GALNT13: variants seen among roughly 807,000 people sequenced by gnomAD.
GALNT13 encodes the protein polypeptide N-acetylgalactosaminyltransferase 13.
A neutral mutation model predicts 64.2 loss-of-function variants in GALNT13; 28 were observed. The ratio of observed to expected loss-of-function variants is 0.44; its 90% confidence interval spans 0.32 to 0.60. GALNT13 has a LOEUF of 0.60. GALNT13 is among the 20% of genes least tolerant of loss of function. The probability of loss-of-function intolerance (pLI) is 0.05; values close to 1 mark genes in which losing one functional copy is unlikely to be tolerated. For missense variants in GALNT13, 577 were observed against 669.8 expected, an observed-to-expected ratio of 0.86 and a Z score of 1.53; for synonymous variants, 214 against 224.6, an observed-to-expected ratio of 0.95 and a Z score of 0.42.
At chr2:154,088,173 T>C (rs970718481) in intron 3 of GALNT13, among the ~76,000 whole-genome samples, 2 of 152,132 alleles carry the variant, frequency 1.3e-5, no homozygotes, top group African/African-American at 2.4e-5. Flanking sequence ...TAGCCTTGCA[T>C]CTCTAATTGA....
At chr2:154,325,822 A>G (rs1694848509) in intron 9 of GALNT13, among the ~76,000 whole-genome samples, 1 of 152,144 alleles carries the variant, frequency 6.6e-6, no homozygotes, top group Non-Finnish European at 1.5e-5. Flanking sequence ...AATATGGTAT[A>G]TAACTAGCTT....
intron 8 of GALNT13, among the ~76,000 whole-genome samples, chr2:154,287,999 G>A (rs569346787): frequency 6.6e-6 from 1 of 152,140 alleles, no homozygotes; most frequent in African/African-American, 2.4e-5. Flanking sequence ...ATTGGTCCCT[G>A]TATTAGTCCG....
intron 9 of GALNT13, among the ~76,000 whole-genome samples, chr2:154,326,520 A>G (rs1694884178): frequency 6.6e-6 from 1 of 152,048 alleles, no homozygotes; most frequent in Non-Finnish European, 1.5e-5. Flanking sequence ...AATTCTACAT[A>G]TATATATTAA....
the GALNT13 span, among the ~76,000 whole-genome samples, chr2:153,432,730 G>T: frequency 2.6e-5 from 4 of 151,784 alleles, no homozygotes; most frequent in Non-Finnish European, 5.9e-5. Context: ...TGGGGAGGTG[G>T]TTGGGGGGCA....
the GALNT13 span, among the ~76,000 whole-genome samples, chr2:153,280,324 G>T: frequency 6.6e-6 from 1 of 151,872 alleles, no homozygotes; most frequent in Admixed American, 6.6e-5. Context: ...CAACTTTTTG[G>T]TCATTTATTC....
At chr2:153,943,874 G>A (rs1300485150) in intron 2 of GALNT13, among the ~76,000 whole-genome samples, 1 of 152,176 alleles carries the variant, frequency 6.6e-6, no homozygotes, top group Non-Finnish European at 1.5e-5. Context: ...AACAAATGAG[G>A]TTTAGCTTTG....
chr2:153,283,184 C>A, the GALNT13 span, among the ~76,000 whole-genome samples: 1 of 152,198 alleles, frequency 6.6e-6, no homozygotes, highest in African/African-American at 2.4e-5. Context: ...GGCCCATCTA[C>A]AGTTTCCCTG....
intron 3 of GALNT13, among the ~76,000 whole-genome samples, chr2:153,999,851 C>T (rs997377034): frequency 1.3e-5 from 2 of 151,728 alleles, no homozygotes; most frequent in Non-Finnish European, 2.9e-5. Context: ...GAAAATATTC[C>T]CTCCTTTTAA....
At chr2:154,129,207 C>T (rs1201159844) in intron 3 of GALNT13, among the ~76,000 whole-genome samples, 1 of 152,110 alleles carries the variant, frequency 6.6e-6, no homozygotes, top group African/African-American at 2.4e-5. Context: ...ATCCCAATTA[C>T]CACACACACC....
At chr2:154,205,075 A>G (rs1325912283) in intron 4 of GALNT13, among the ~76,000 whole-genome samples, 1 of 152,176 alleles carries the variant, frequency 6.6e-6, no homozygotes, top group East Asian at 1.9e-4. Flanking sequence ...CTACTAATTC[A>G]TAATCATCGG....
At chr2:153,432,713 T>TG in the GALNT13 span, among the ~76,000 whole-genome samples, 19 of 151,666 alleles carry the variant, frequency 1.3e-4, no homozygotes, top group African/African-American at 4.1e-4. Context: ...AGTTTTTGGC[T>TG]GGGGGGTGGG....
chr2:154,212,284 G>A (rs184334197), intron 4 of GALNT13, among the ~76,000 whole-genome samples: 118 of 151,682 alleles, frequency 7.8e-4, no homozygotes, highest in Non-Finnish European at 1.5e-3. Context: ...TTGCTCTATC[G>A]CCCAGGCTGG....
At chr2:153,867,793 A>G (rs1246747782), upstream of GALNT13, among the ~76,000 whole-genome samples, 2 of 151,920 alleles carry the variant, frequency 1.3e-5, no homozygotes, top group African/African-American at 2.4e-5. Context: ...GTTCCCTCAC[A>G]TGTGCAGTTC....
the GALNT13 span, among the ~76,000 whole-genome samples, chr2:153,632,381 T>C: frequency 2.6e-5 from 4 of 152,162 alleles, no homozygotes; most frequent in African/African-American, 7.2e-5. Flanking sequence ...TTAACTAAAG[T>C]CTATAGTTTA....
the GALNT13 span, among the ~76,000 whole-genome samples, chr2:153,742,605 G>A: frequency 6.6e-6 from 1 of 151,936 alleles, no homozygotes; most frequent in East Asian, 1.9e-4. Context: ...CAGTTCCCCA[G>A]TGTCCATTAT....
intron 2 of GALNT13, among the ~76,000 whole-genome samples, chr2:153,907,016 A>C (rs977758527): frequency 2.0e-5 from 3 of 151,830 alleles, no homozygotes; most frequent in Admixed American, 2.0e-4. Flanking sequence ...GCGTTTTTTC[A>C]TGTGTTTTTT....
At chr2:153,340,439 A>AAGGTC in the GALNT13 span, among the ~76,000 whole-genome samples, 1 of 151,876 alleles carries the variant, frequency 6.6e-6, no homozygotes, top group African/African-American at 2.4e-5. Context: ...GGTGGATCAC[A>AAGGTC]AGGTCAGGAG....
chr2:154,005,528 G>T (rs1052162824), intron 3 of GALNT13, among the ~76,000 whole-genome samples: 2 of 152,078 alleles, frequency 1.3e-5, no homozygotes, highest in African/African-American at 4.8e-5. Flanking sequence ...ACCATAATGT[G>T]GAAATGAGAA....
the GALNT13 span, among the ~76,000 whole-genome samples, chr2:153,687,422 AT>A: frequency 6.6e-6 from 1 of 151,938 alleles, no homozygotes; most frequent in Non-Finnish European, 1.5e-5. Context: ...TTTCTAGTTT[AT>A]ATGCATAAAC....
Sources: allele counts gnomAD v4.1 joint callset (sites outside exome capture counted in the v4.1 genomes callset), GRCh38; gene constraint gnomAD v4.1.1; transcripts MANE v1.5; gene names NCBI Gene and HGNC (gene_info 2026-07-23, HGNC 2026-07-21).